Variants in SLC12A6 observed in about 807,000 individuals in gnomAD.
SLC12A6 encodes the protein solute carrier family 12 member 6.
A neutral mutation model predicts 135.3 loss-of-function variants in SLC12A6; 66 were observed. The observed-to-expected ratio is 0.49, with a 90% CI of 0.40 to 0.60. The LOEUF (loss-of-function observed/expected upper bound fraction) is 0.60, where lower values mean the gene tolerates loss of function less well. Among genes scored for constraint, SLC12A6 ranks in the 20% least tolerant of loss-of-function variants. The pLI is 0.00. For synonymous variants in SLC12A6, 513 were observed against 508.8 expected (o/e 1.01, Z -0.11); for missense variants, 1,058 against 1,452.3 (o/e 0.73, Z 4.41).
intron 2 of SLC12A6, among the ~76,000 whole-genome samples, chr15:34,286,120 C>A (rs1333700549): frequency 6.6e-6 from 1 of 151,748 alleles, no homozygotes; most frequent in African/African-American, 2.4e-5. Flanking sequence ...GACACCCAGG[C>A]TGGAGTGTGG....
intron 5 of SLC12A6, among the ~76,000 whole-genome samples, chr15:34,258,521 T>G (rs1176368501): frequency 6.6e-6 from 1 of 152,214 alleles, no homozygotes; most frequent in African/African-American, 2.4e-5. Context: ...TCTGGATCCC[T>G]TGCCAATTTC....
intron 2 of SLC12A6, among the ~76,000 whole-genome samples, chr15:34,320,665 C>G (rs1889013891): frequency 6.6e-6 from 1 of 150,812 alleles, no homozygotes; most frequent in Non-Finnish European, 1.5e-5. Flanking sequence ...GCCTGTAATC[C>G]CAGCACTTTG....
intron 2 of SLC12A6, among the ~76,000 whole-genome samples, chr15:34,324,324 A>T (rs758420859): frequency 6.6e-6 from 1 of 152,218 alleles, no homozygotes; most frequent in Non-Finnish European, 1.5e-5. Flanking sequence ...TTAAGTAATA[A>T]GATATAAAGG....
At chr15:34,334,011 A>T (rs1184009240) in intron 2 of SLC12A6, among the ~76,000 whole-genome samples, 1 of 151,244 alleles carries the variant, frequency 6.6e-6, no homozygotes, top group African/African-American at 2.4e-5. Context: ...CAGAGATTGC[A>T]GTGAGTGGAG....
At chr15:34,238,455 TAGCATGTCAGGAA>T in intron 20 of SLC12A6, 54 bp from the exon 21 acceptor site, 1 of 1,398,760 alleles carries the variant, frequency 7.1e-7, no homozygotes, top group Non-Finnish European at 1.0e-6. Context: ...CCTTGCTTCC[TAGCATGTCAGGAA>T]AGCAAGGAAA....
chr15:34,294,247 C>T (rs763932073), intron 2 of SLC12A6, among the ~76,000 whole-genome samples: 2 of 152,024 alleles, frequency 1.3e-5, no homozygotes, highest in African/African-American at 2.4e-5. Context: ...TCCACCCCCA[C>T]CTTGAGACGG....
intron 5 of SLC12A6, 127 bp from the exon 6 acceptor site, chr15:34,257,915 T>C: frequency 1.5e-6 from 1 of 685,408 alleles, no homozygotes; most frequent in Non-Finnish European, 2.6e-6. Context: ...GTTTAATCAA[T>C]ACCTTCAAAA....
At chr15:34,276,747 G>A (rs970457285) in intron 2 of SLC12A6, among the ~76,000 whole-genome samples, 1 of 152,052 alleles carries the variant, frequency 6.6e-6, no homozygotes, top group African/African-American at 2.4e-5. Flanking sequence ...CTTTGATTTT[G>A]TCTAACAATA....
chr15:34,324,198 A>G (rs1000817058), intron 2 of SLC12A6, among the ~76,000 whole-genome samples: 2 of 152,216 alleles, frequency 1.3e-5, no homozygotes, highest in Non-Finnish European at 2.9e-5. Context: ...ATATCCATCA[A>G]TAAAATAATC....
intron 2 of SLC12A6, among the ~76,000 whole-genome samples, chr15:34,298,196 A>AT (rs1896001936): frequency 3.1e-5 from 4 of 127,994 alleles, no homozygotes; most frequent in African/African-American, 1.2e-4. Context: ...GAAGGAAAGA[A>AT]CAAAAATAGG....
At chr15:34,333,392 G>A (rs1254066640) in intron 2 of SLC12A6, among the ~76,000 whole-genome samples, 1 of 151,924 alleles carries the variant, frequency 6.6e-6, no homozygotes, top group East Asian at 1.9e-4. Flanking sequence ...GTCACGCCTG[G>A]CTAATTTTTT....
At chr15:34,257,877 C>T in intron 5 of SLC12A6, 89 bp from the exon 6 acceptor site, 1 of 811,178 alleles carries the variant, frequency 1.2e-6, no homozygotes, top group Admixed American at 2.0e-5. Context: ...CCCTAACTAC[C>T]ATATTAACCT....
chr15:34,326,488 A>C (rs1435390607), intron 2 of SLC12A6, among the ~76,000 whole-genome samples: 1 of 152,214 alleles, frequency 6.6e-6, no homozygotes, highest in Non-Finnish European at 1.5e-5. Flanking sequence ...TTTTAGATCT[A>C]TTGAGACTTG....
chr15:34,273,573 T>C (rs568370428), intron 3 of SLC12A6, among the ~76,000 whole-genome samples: 1 of 152,198 alleles, frequency 6.6e-6, no homozygotes, highest in Non-Finnish European at 1.5e-5. Context: ...GTCTTTAATA[T>C]AGAAAGAACG....
intron 2 of SLC12A6, among the ~76,000 whole-genome samples, chr15:34,281,418 C>T (rs958795051): frequency 6.6e-6 from 1 of 152,130 alleles, no homozygotes. Flanking sequence ...AGCCCATCCT[C>T]TTTACATAAT....
rs1566811997 is a variant in SLC12A6 at position 34,250,890 on chromosome 15, T to G, written c.1492+9A>C. On this transcript the variant is annotated intron_variant, in intron 11 of 25. Transcript: ENST00000354181. Reference sequence around the variant, plus strand: ...AGCTTCTAAAATATACAACAGCCTATGTGTTTACCTGTAACAGAGGGAAAG... The same window carrying G: ...AGCTTCTAAAATATACAACAGCCTAGGTGTTTACCTGTAACAGAGGGAAAG... 1 of 1,605,702 alleles carries G rather than the reference T, an allele frequency of 6.2e-7. No individual in the cohort carries two copies. Among genetic ancestry groups the G allele is most frequent in the Non-Finnish European group, 8.5e-7 (1 of 1,172,322 alleles).
upstream of SLC12A6, chr15:34,338,009 C>A (rs1259428719): frequency 6.6e-6 from 1 of 151,936 alleles, no homozygotes; most frequent in Non-Finnish European, 1.5e-5. Context: ...AACCGTCCCG[C>A]GGGCGCCCGA....
chr15:34,257,341 T>G (rs1247378793), intron 6 of SLC12A6, among the ~76,000 whole-genome samples: 1 of 152,236 alleles, frequency 6.6e-6, no homozygotes, highest in African/African-American at 2.4e-5. Flanking sequence ...ACAACTTTGG[T>G]GCTATCAAGC....
intron 2 of SLC12A6, among the ~76,000 whole-genome samples, chr15:34,315,974 T>C (rs773721775): frequency 4.6e-5 from 7 of 151,914 alleles, no homozygotes; most frequent in Admixed American, 2.6e-4. Flanking sequence ...CAACAATTCA[T>C]GTGACTCATT....
Sources: allele counts gnomAD v4.1 joint callset (sites outside exome capture counted in the v4.1 genomes callset), GRCh38; gene constraint gnomAD v4.1.1; transcripts MANE v1.5; gene names NCBI Gene and HGNC (gene_info 2026-07-23, HGNC 2026-07-21).